Variants in RASA3 observed in about 807,000 individuals in gnomAD.
The protein encoded by RASA3 is RAS p21 protein activator 3.
Under a neutral mutation model 110.0 loss-of-function variants are expected in RASA3, and 73 were observed. That is an observed-to-expected ratio of 0.66 (90% CI 0.55 to 0.81). The LOEUF (loss-of-function observed/expected upper bound fraction) is 0.81. RASA3 is among the 30% of genes least tolerant of loss of function. The probability of loss-of-function intolerance (pLI) is 0.00; values close to 1 mark genes in which losing one functional copy is unlikely to be tolerated. For synonymous variants in RASA3, 500 were observed against 451.4 expected, an observed-to-expected ratio of 1.11 and a Z score of -1.37; for missense variants, 976 against 1,113.2, an observed-to-expected ratio of 0.88 and a Z score of 1.75.
intron 18 of RASA3, among the ~76,000 whole-genome samples, 189 bp from the exon 19 acceptor site, chr13:114,001,121 G>A (rs1005975826): frequency 3.3e-5 from 5 of 152,236 alleles, no homozygotes; most frequent in East Asian, 1.9e-4. Flanking sequence ...AAAGTTGAGC[G>A]CTGACTGCTT....
chr13:114,002,225 A>G (rs2053421610), intron 18 of RASA3, among the ~76,000 whole-genome samples: 1 of 152,242 alleles, frequency 6.6e-6, no homozygotes, highest in Non-Finnish European at 1.5e-5. Flanking sequence ...GCGCACTCAG[A>G]AATCGGAAAG....
chr13:114,039,351 C>T (rs1225339863), intron 4 of RASA3, among the ~76,000 whole-genome samples: 1 of 147,372 alleles, frequency 6.8e-6, no homozygotes, highest in African/African-American at 2.7e-5. Flanking sequence ...CAACCCTACA[C>T]TCAGACACTC....
chr13:114,053,007 AGACCCCCGCTGCTGACTGTGCTTAG>A (rs2079176176), intron 2 of RASA3, among the ~76,000 whole-genome samples: 1 of 136,192 alleles, frequency 7.3e-6, no homozygotes, highest in Non-Finnish European at 1.6e-5. Flanking sequence ...CCTGGGGGAG[AGACCCCCGCTGCTGACTGTGCTTAG>A]AGTCCTGGCT....
intron 2 of RASA3, among the ~76,000 whole-genome samples, chr13:114,064,360 C>T (rs190863634): frequency 5.9e-5 from 9 of 152,296 alleles, no homozygotes; most frequent in East Asian, 1.9e-4. Context: ...GGAGGCCACG[C>T]GGAGTCTGAG....
chr13:114,073,464 G>A (rs562183747), intron 2 of RASA3, among the ~76,000 whole-genome samples: 2 of 132,790 alleles, frequency 1.5e-5, no homozygotes, highest in African/African-American at 3.0e-5. Context: ...AAAATGGGAC[G>A]GTGATGTACA....
At chr13:114,055,123 G>T (rs9525359) in intron 2 of RASA3, among the ~76,000 whole-genome samples, 56,226 of 150,086 alleles carry the variant, frequency 0.37, 10,613 homozygotes, top group Middle Eastern at 0.52. Context: ...CCCACAGGCA[G>T]GTGTGCATGT....
intron 3 of RASA3, among the ~76,000 whole-genome samples, chr13:114,042,057 T>C (rs930261304): frequency 1.3e-5 from 2 of 152,256 alleles, no homozygotes; most frequent in Non-Finnish European, 2.9e-5. Flanking sequence ...AGAATATATT[T>C]GTACAATATA....
intron 20 of RASA3, 26 bp downstream of exon 20, chr13:113,999,557 AAG>A: frequency 6.3e-7 from 1 of 1,599,220 alleles, no homozygotes; most frequent in Non-Finnish European, 8.6e-7. Context: ...CTCAACCCGA[AAG>A]AGAGGCTTGG....
chr13:114,030,495 CACA>C (rs1349451798), intron 4 of RASA3, among the ~76,000 whole-genome samples: 3 of 108,472 alleles, frequency 2.8e-5, no homozygotes, highest in African/African-American at 9.1e-5. Flanking sequence ...GCAAGACTCA[CACA>C]GAGGGCAAGA....
intron 8 of RASA3, among the ~76,000 whole-genome samples, chr13:114,021,753 G>A (rs1407656701): frequency 1.3e-5 from 2 of 152,212 alleles, no homozygotes. Context: ...CATGGGCCCG[G>A]ACTCAGACCC....
chr13:114,109,323 C>A (rs940519270), intron 1 of RASA3, among the ~76,000 whole-genome samples: 17 of 152,154 alleles, frequency 1.1e-4, no homozygotes, highest in African/African-American at 3.9e-4. Flanking sequence ...GGCACTGAGG[C>A]CTTCCTCGAA....
intron 14 of RASA3, among the ~76,000 whole-genome samples, chr13:114,013,667 CCTCTCCCTGTCT>C (rs2053702571): frequency 1.0e-5 from 1 of 95,616 alleles, no homozygotes; most frequent in Non-Finnish European, 2.1e-5. Flanking sequence ...CCTCTTTGTC[CCTCTCCCTGTCT>C]CTCTCCCTAT....
At position 114,080,426 on chromosome 13, in the gene RASA3, C is replaced by T. The variant is rs1272038418; in HGVS notation, c.56-6589G>A. Among the ~76,000 whole-genome samples, 11 of 152,174 alleles carry T rather than the reference C, an allele frequency of 7.2e-5. No homozygotes were observed. In the East Asian group the frequency reaches 1.5e-3, roughly 21 times the overall value. ...ACTGCCGTCCAGGGGGTCTGCCTGT[C>T]GTCCAGTCTCCTTGAGAGCACCTCC... is the stretch of plus-strand genomic sequence containing the variant. On this transcript the variant is annotated intron_variant, in intron 1 of 23. Coordinates refer to ENST00000334062, the MANE Select transcript of RASA3 (RefSeq NM_007368.4).
At chr13:114,019,057 G>A in intron 9 of RASA3, 138 bp from the exon 10 acceptor site, 1 of 1,121,730 alleles carries the variant, frequency 8.9e-7, no homozygotes, top group African/African-American at 1.6e-5. Context: ...TGCAGCCCCT[G>A]GGGACTCCCC....
intron 1 of RASA3, among the ~76,000 whole-genome samples, chr13:114,077,538 T>C: frequency 2.2e-5 from 2 of 91,472 alleles, no homozygotes; most frequent in Non-Finnish European, 2.1e-5. Context: ...CATCCCTCCC[T>C]CCCTGCCCGA....
rs560979200 is a variant in RASA3 at position 114,065,050 on chromosome 13, G to C, written c.173+8670C>G. 6.6e-6 allele frequency among the ~76,000 whole-genome samples: 1 copy of C among 152,188 alleles called. No individual in the cohort carries two copies. Among genetic ancestry groups the C allele is most frequent in the African/African-American group, 2.4e-5 (1 of 41,452 alleles). Reference sequence around the variant, plus strand: ...TTCACAGAATCAAGCAAACTTTCACGGGGAAAAAAGAAAAAACCTCTTGCA... The same window carrying C: ...TTCACAGAATCAAGCAAACTTTCACCGGGAAAAAAGAAAAAACCTCTTGCA... On this transcript the variant is annotated intron_variant, in intron 2 of 23. Coordinates refer to ENST00000334062, the MANE Select transcript of RASA3 (RefSeq NM_007368.4). The surrounding 1 kb of genome is among the most constrained non-coding windows in gnomAD (Gnocchi z 4.1).
At chr13:114,089,655 A>ATGGGT (rs2079867152) in intron 1 of RASA3, among the ~76,000 whole-genome samples, 1 of 152,192 alleles carries the variant, frequency 6.6e-6, no homozygotes, top group African/African-American at 2.4e-5. Context: ...CAGCCTGCAC[A>ATGGGT]CAGGTGTTCA....
intron 1 of RASA3, among the ~76,000 whole-genome samples, chr13:114,131,740 G>C (rs1021738502): frequency 2.0e-5 from 3 of 151,340 alleles, no homozygotes; most frequent in African/African-American, 7.3e-5. Flanking sequence ...ACAAACGCGC[G>C]CACACACACG....
At chr13:114,046,194 C>G (rs974043551) in intron 3 of RASA3, among the ~76,000 whole-genome samples, 2 of 152,194 alleles carry the variant, frequency 1.3e-5, no homozygotes, top group Non-Finnish European at 2.9e-5. Context: ...ATCAAGACTG[C>G]GTGGTATTGG....
Sources: allele counts gnomAD v4.1 joint callset (sites outside exome capture counted in the v4.1 genomes callset), GRCh38; gene constraint gnomAD v4.1.1; non-coding constraint Gnocchi (gnomAD v3.1); transcripts MANE v1.5; gene names NCBI Gene and HGNC (gene_info 2026-07-23, HGNC 2026-07-21).